Variants in KCMF1 observed in about 807,000 individuals in gnomAD.
The protein encoded by KCMF1 is potassium channel modulatory factor 1.
KCMF1 carries 3 observed loss-of-function variants against 41.1 expected under a neutral mutation model. The ratio of observed to expected loss-of-function variants is 0.07; its 90% CI spans 0.03 to 0.19. KCMF1 has a LOEUF of 0.19. Ranked by LOEUF, KCMF1 falls within the 10% of genes least tolerant of loss-of-function variation. The probability of loss-of-function intolerance (pLI) is 1.00; values close to 1 mark genes in which losing one functional copy is unlikely to be tolerated. For missense variants in KCMF1, 286 were observed against 488.9 expected (o/e 0.58, Z 3.91); for synonymous variants, 142 against 164.5 (o/e 0.86, Z 1.04).
intron 1 of KCMF1, among the ~76,000 whole-genome samples, chr2:85,014,716 CGTGCGTGCGTGT>C (rs1046134311): frequency 7.0e-6 from 1 of 142,046 alleles, no homozygotes; most frequent in Non-Finnish European, 1.5e-5. Flanking sequence ...CGCGTGCGTG[CGTGCGTGCGTGT>C]GTGTGTGTGT....
In KCMF1 at chr2:84,974,799, G is replaced by A. The variant is rs141296882; in HGVS notation, c.16+3332G>A. The stretch of plus-strand genomic sequence containing the variant: ...TGGCTCACTGCAACCTGCACCTCCC[G>A]GGTTCAAGTGATTCTCCTGCCTCAG... On this transcript the variant is annotated intron_variant, in intron 1 of 6. Coordinates refer to ENST00000409785, the MANE Select transcript of KCMF1 (RefSeq NM_020122.5). Among the ~76,000 whole-genome samples, 416 of 138,500 alleles carry A rather than the reference G, an allele frequency of 3.0e-3. 3 individuals carry two copies. The highest frequency in any genetic ancestry group is 0.01 in the African/African-American group (383 of 36,966). The allele number at this position is 138,500 out of a possible 152,430, so 90.9% of individuals were successfully genotyped here.
rs1222971139 is a variant in KCMF1, at chr2:85,056,371, G to A, written c.*2962G>A. The A allele has an allele frequency of 6.6e-6, 1 of 152,100 alleles. No individual in the cohort carries two copies. The highest frequency in any genetic ancestry group is 1.5e-5 in the Non-Finnish European group (1 of 68,034). The allele number at this position is 152,100 out of a possible 1,614,324, so 9.4% of individuals were successfully genotyped here. A position where few individuals can be genotyped will look rare whatever the true frequency, so the allele number is the denominator to read the frequency against. On this transcript the variant is annotated 3_prime_UTR_variant, in exon 7 of 7. Coordinates refer to ENST00000409785, the MANE Select transcript of KCMF1 (RefSeq NM_020122.5). The stretch of plus-strand genomic sequence containing the variant: ...CTGACAGATTTTCAAAGGTCACCAA[G>A]GCTTTTGTGTTTTTTTCCGGTCTGT...
chr2:85,057,178 T>TAAA lies in KCMF1; in HGVS notation c.*3769_*3770insAAA, dbSNP rs1675954625. ...CCGGGCGACGGTGCAAGACTCTGTC[T>TAAA]CAAAAAAAAAAAAAATTAAAACACT... On this transcript the variant is annotated 3_prime_UTR_variant, in exon 7 of 7. Transcript: ENST00000409785. The TAAA allele has an allele frequency of 6.9e-6, 1 of 145,098 alleles. No individual in the cohort carries two copies. Among genetic ancestry groups the TAAA allele is most frequent in the Non-Finnish European group, 1.5e-5 (1 of 65,870 alleles). The allele number at this position is 145,098 out of a possible 1,614,324, so 9.0% of individuals were successfully genotyped here. A position where few individuals can be genotyped will look rare whatever the true frequency, so the allele number is the denominator to read the frequency against.
intron 1 of KCMF1, among the ~76,000 whole-genome samples, chr2:85,022,689 G>T (rs1160279318): frequency 2.0e-5 from 3 of 152,090 alleles, no homozygotes; most frequent in African/African-American, 7.2e-5. Context: ...TGGTACTACA[G>T]ATCCTCTTGG....
chr2:84,988,784 T>C (rs948836041), intron 1 of KCMF1, among the ~76,000 whole-genome samples: 3 of 152,236 alleles, frequency 2.0e-5, no homozygotes, highest in Non-Finnish European at 2.9e-5. Flanking sequence ...TCATGTTTAG[T>C]TGAGAAGCCA....
At chr2:85,024,633 AT>A (rs1675049374) in intron 1 of KCMF1, among the ~76,000 whole-genome samples, 1 of 151,756 alleles carries the variant, frequency 6.6e-6, no homozygotes, top group Non-Finnish European at 1.5e-5. Context: ...AAAGAGAAAG[AT>A]TTAAGAAATT....
chr2:85,034,190 A>G (rs1212093672), intron 2 of KCMF1, among the ~76,000 whole-genome samples: 1 of 152,106 alleles, frequency 6.6e-6, no homozygotes, highest in Non-Finnish European at 1.5e-5. Context: ...CTCAAAAAAA[A>G]TTTCTTAATG....
chr2:84,980,120 C>G (rs1186786538), intron 1 of KCMF1, among the ~76,000 whole-genome samples: 1 of 152,134 alleles, frequency 6.6e-6, no homozygotes, highest in Non-Finnish European at 1.5e-5. Flanking sequence ...GCATGAGCCA[C>G]TGCGCCCAGC....
At chr2:85,007,491 G>T (rs1252002741) in intron 1 of KCMF1, among the ~76,000 whole-genome samples, 1 of 152,210 alleles carries the variant, frequency 6.6e-6, no homozygotes, top group Non-Finnish European at 1.5e-5. Context: ...CAGCACAGGG[G>T]TAGTCAGAGG....
chr2:85,029,677 A>ATTTTT (rs1178504248), intron 2 of KCMF1, among the ~76,000 whole-genome samples: 3 of 130,660 alleles, frequency 2.3e-5, no homozygotes, highest in Non-Finnish European at 3.2e-5. Flanking sequence ...TCATGCTATA[A>ATTTTT]TTTTTTTTTT....
chr2:84,994,668 G>T (rs984227341), intron 1 of KCMF1, among the ~76,000 whole-genome samples: 2 of 152,120 alleles, frequency 1.3e-5, no homozygotes, highest in Non-Finnish European at 2.9e-5. Context: ...CTCCCAAAGT[G>T]CTGGGATTAC....
chr2:84,999,601 GAAAT>G (rs541005808), intron 1 of KCMF1, among the ~76,000 whole-genome samples: 62 of 152,266 alleles, frequency 4.1e-4, no homozygotes, highest in African/African-American at 1.5e-3. Flanking sequence ...GGACTTAAAA[GAAAT>G]AAGATCAGAA....
chr2:84,979,664 G>C (rs1191554243), intron 1 of KCMF1, among the ~76,000 whole-genome samples: 3 of 151,986 alleles, frequency 2.0e-5, no homozygotes, highest in African/African-American at 7.2e-5. Flanking sequence ...TTTTTTTATA[G>C]AAGATTAATT....
intron 1 of KCMF1, among the ~76,000 whole-genome samples, chr2:85,006,086 C>G (rs1345013345): frequency 6.6e-6 from 1 of 151,720 alleles, no homozygotes; most frequent in African/African-American, 2.4e-5. Context: ...TGGTCTTTTT[C>G]TTAATGTTTA....
rs145669414 is a variant in KCMF1 at position 85,053,599 on chromosome 2, G to A, written c.*190G>A. The A allele has an allele frequency of 1.7e-5, 11 of 642,756 alleles. No homozygotes were observed. Among genetic ancestry groups the A allele is most frequent in the Non-Finnish European group, 2.9e-5 (11 of 383,488 alleles). 39.8% of individuals were successfully genotyped at this position (642,756 alleles called of 1,614,324 possible). ...ACTTAACTAATTTTTACTTCTAGCA[G>A]GTAAATGTAGGTAGCAGTGCAGGGG... On this transcript the variant is annotated 3_prime_UTR_variant, in exon 7 of 7. Coordinates refer to ENST00000409785, the MANE Select transcript of KCMF1 (RefSeq NM_020122.5).
intron 1 of KCMF1, among the ~76,000 whole-genome samples, chr2:84,973,963 G>T (rs960309153): frequency 3.3e-5 from 5 of 151,738 alleles, no homozygotes; most frequent in Admixed American, 2.6e-4. Context: ...AAGTAGCTGG[G>T]ATTACAGGCG....
At chr2:84,975,114 G>A (rs1243316848) in intron 1 of KCMF1, among the ~76,000 whole-genome samples, 1 of 152,076 alleles carries the variant, frequency 6.6e-6, no homozygotes, top group Non-Finnish European at 1.5e-5. Flanking sequence ...TATAAAAGCT[G>A]GTGGTGGACC....
chr2:85,013,690 C>T (rs945896528), intron 1 of KCMF1, among the ~76,000 whole-genome samples: 7 of 151,720 alleles, frequency 4.6e-5, no homozygotes, highest in Non-Finnish European at 8.8e-5. Context: ...CCCAGCTACT[C>T]GGGAGGCTGA....
intron 1 of KCMF1, among the ~76,000 whole-genome samples, chr2:85,000,456 G>T (rs1271878948): frequency 6.6e-6 from 1 of 152,118 alleles, no homozygotes; most frequent in Non-Finnish European, 1.5e-5. Context: ...ATAAAATCTA[G>T]CAAGAACCCT....
Sources: allele counts gnomAD v4.1 joint callset (sites outside exome capture counted in the v4.1 genomes callset), GRCh38; gene constraint gnomAD v4.1.1; transcripts MANE v1.5; gene names NCBI Gene and HGNC (gene_info 2026-07-23, HGNC 2026-07-21).